Variants in SLC23A1 observed in about 807,000 individuals in gnomAD.
The protein encoded by SLC23A1 is solute carrier family 23 member 1.
SLC23A1 carries 31 observed loss-of-function variants against 62.5 expected under a neutral mutation model. The ratio of observed to expected loss-of-function variants is 0.50; its 90% CI spans 0.37 to 0.67. The LOEUF is 0.67. Among genes scored for constraint, SLC23A1 ranks in the 30% least tolerant of loss-of-function variants. SLC23A1 has a pLI of 0.00. For missense variants in SLC23A1, 640 were observed against 782.7 expected (o/e 0.82, Z 2.18); for synonymous variants, 271 against 313.2 (o/e 0.87, Z 1.42).
rs1329570834 is a variant in SLC23A1, at chr5:139,378,931, C to T, written c.1074-247G>A. 6.6e-6 allele frequency among the ~76,000 whole-genome samples: 1 copy of T among 152,204 alleles called. No homozygotes were observed. Among genetic ancestry groups the T allele is most frequent in the Non-Finnish European group, 1.5e-5 (1 of 68,032 alleles). ...ATACCGGTGCCCGTCTCACAAAATG[C>T]TTCAAAGATTGCATAAGAATGCACA... On this transcript the variant is annotated intron_variant, in intron 9 of 14. Transcript: ENST00000348729. This position sits in a 1 kb window ranked among gnomAD's most constrained non-coding sequence, Gnocchi z 4.5.
Position 139,379,170 on chromosome 5 carries a change from TGAG to T in SLC23A1, c.1073+34_1073+36del. Reference sequence around the variant, plus strand: ...CTGTGTGTGCTTCCTGGGTGGCGCCTGAGGAGATCAGATACTGAGGAGGGCAGG... The same window carrying T: ...CTGTGTGTGCTTCCTGGGTGGCGCCTGAGATCAGATACTGAGGAGGGCAGG... On this transcript the variant is annotated intron_variant, in intron 9 of 14. Transcript: ENST00000348729. This position sits in a 1 kb window ranked among gnomAD's most constrained non-coding sequence, Gnocchi z 4.7. 5 of 1,609,632 alleles carry T rather than the reference TGAG, an allele frequency of 3.1e-6. No individual in the cohort carries two copies. The highest frequency in any genetic ancestry group is 4.2e-6 in the Non-Finnish European group (5 of 1,176,520).
At chr5:139,373,958 A>G (rs1757816503) in intron 13 of SLC23A1, among the ~76,000 whole-genome samples, 1 of 152,092 alleles carries the variant, frequency 6.6e-6, no homozygotes, top group African/African-American at 2.4e-5. Context: ...TGCCCACTAC[A>G]TCCCAACCTT....
intron 13 of SLC23A1, among the ~76,000 whole-genome samples, chr5:139,376,292 C>T (rs1757942176): frequency 6.6e-6 from 1 of 151,822 alleles, no homozygotes; most frequent in Admixed American, 6.6e-5. Context: ...GCCTCAGCCT[C>T]CCGAGAAGCT....
intron 14 of SLC23A1, among the ~76,000 whole-genome samples, chr5:139,370,163 GTGGTTGGT>G (rs930415750): frequency 6.6e-6 from 1 of 152,130 alleles, no homozygotes; most frequent in Non-Finnish European, 1.5e-5. Context: ...ACCCCAGTGT[GTGGTTGGT>G]TGGTTGGTTG....
rs767105154 is a variant in SLC23A1, at chr5:139,381,984, C to T, written c.216G>A (p.Val72=). The T allele has an allele frequency of 1.0e-5, 16 of 1,603,842 alleles. No individual in the cohort carries two copies. Among genetic ancestry groups the T allele is most frequent in the East Asian group, 2.3e-5 (1 of 44,440 alleles). Residue 72 remains valine, a synonymous_variant, in exon 3 of 15, where the codon GTG becomes GTA. Coordinates refer to ENST00000348729, the MANE Select transcript of SLC23A1 (RefSeq NM_005847.5). ...GACTAACCATGTGCTGGTCGTGGCCCACACACAGCGCCTCAGCCAGCAGGA... is the reference window on the plus strand; with the variant it reads ...GACTAACCATGTGCTGGTCGTGGCCTACACACAGCGCCTCAGCCAGCAGGA... ...VPFLLAEALC[V]GHDQHMVSQL...
chr5:139,382,276 C>T, intron 2 of SLC23A1: 1 of 602,260 alleles, frequency 1.7e-6, no homozygotes. Context: ...GCTCTGCTCC[C>T]TGTCACCAAC....
At chr5:139,384,326 G>A (rs916153911), upstream of SLC23A1, 7 of 1,258,188 alleles carry the variant, frequency 5.6e-6, no homozygotes, top group African/African-American at 6.1e-5. Flanking sequence ...CCTCTGGGCT[G>A]CCCCAGCCCC....
At chr5:139,374,589 C>T (rs529632978) in intron 13 of SLC23A1, among the ~76,000 whole-genome samples, 7 of 152,254 alleles carry the variant, frequency 4.6e-5, no homozygotes, top group South Asian at 2.1e-4. Flanking sequence ...GTTGTGTGAC[C>T]TTAGGCAAGT....
At position 139,381,941 on chromosome 5, in the gene SLC23A1, A is replaced by T; in HGVS notation, c.259T>A (p.Phe87Ile). 2 of 1,585,216 alleles carry T rather than the reference A, an allele frequency of 1.3e-6. No individual in the cohort carries two copies. The highest frequency in any genetic ancestry group is 1.7e-6 in the Non-Finnish European group (2 of 1,166,582). The part of the protein sequence containing the change: ...HMVSQLIGTI[F>I]TCVGITTLIQ... ...AGAGTGGTGATGCCCACGCACGTGA[A>T]GATGGTGCCGATGAGCTGACTAACC... Residue 87 changes from phenylalanine to isoleucine, a missense_variant, in exon 3 of 15, where the codon TTC (phenylalanine) becomes ATC (isoleucine). By Grantham distance (21) the Phe-to-Ile change is conservative (BLOSUM62 0). Coordinates refer to ENST00000348729, the MANE Select transcript of SLC23A1 (RefSeq NM_005847.5).
rs916151931 is a variant in SLC23A1 at position 139,367,526 on chromosome 5, C to T, written c.*125G>A. On this transcript the variant is annotated 3_prime_UTR_variant, in exon 15 of 15. Coordinates refer to ENST00000348729, the MANE Select transcript of SLC23A1 (RefSeq NM_005847.5). ...AAATTTGAATCCCAGAGAAAGGTGA[C>T]TTATCTGAGTTTACACAGAAGTTAG... 2 of 151,408 alleles carry T rather than the reference C, an allele frequency of 1.3e-5. No homozygotes were observed. The highest frequency in any genetic ancestry group is 4.9e-5 in the African/African-American group (2 of 41,174). 9.4% of individuals were successfully genotyped at this position (151,408 alleles called of 1,614,324 possible). A position where few individuals can be genotyped will look rare whatever the true frequency, so the allele number is the denominator to read the frequency against.
At chr5:139,376,233 G>A (rs1757939620) in intron 13 of SLC23A1, among the ~76,000 whole-genome samples, 1 of 144,686 alleles carries the variant, frequency 6.9e-6, no homozygotes, top group Admixed American at 7.2e-5. Context: ...GCAATGGCAC[G>A]ATCTCGGCCC....
chr5:139,368,292 A>G (rs948651130), intron 14 of SLC23A1, among the ~76,000 whole-genome samples: 1 of 152,098 alleles, frequency 6.6e-6, no homozygotes, highest in Non-Finnish European at 1.5e-5. Flanking sequence ...GTGAGCTGAG[A>G]TCGCGCCACT....
Position 139,380,221 on chromosome 5 carries a change from C to A in SLC23A1, c.634G>T (p.Gly212Cys). 1 of 1,559,740 alleles carries A rather than the reference C, an allele frequency of 6.4e-7. No homozygotes were observed. The highest frequency in any genetic ancestry group is 8.7e-7 in the Non-Finnish European group (1 of 1,151,710). The stretch of plus-strand genomic sequence containing the variant: ...GTGCCTGCTCACCAAGCTGAGATGC[C>A]CCAGTGGGAGCCAGCTCGGTCGCCA... ...AAGDRAGSHW[G>C]ISACSILLII... The change falls in exon 6 of 15, where the codon GGC becomes TGC. Residue 212 changes from glycine (G) to cysteine (C), a missense_variant. Gly to Cys is a radical substitution (Grantham distance 159). Coordinates refer to ENST00000348729, the MANE Select transcript of SLC23A1 (RefSeq NM_005847.5).
At position 139,380,202 on chromosome 5, in the gene SLC23A1, G is replaced by C. The variant is rs997085338; in HGVS notation, c.647+6C>G. ...TGGGCAGGGATCAGGCCTGGTGCCT[G>C]CTCACCAAGCTGAGATGCCCCAGTG... On this transcript the variant is annotated splice_donor_region_variant and intron_variant, in intron 6 of 14. Coordinates refer to ENST00000348729, the MANE Select transcript of SLC23A1 (RefSeq NM_005847.5). 23 of 1,556,572 alleles carry C rather than the reference G, an allele frequency of 1.5e-5. No homozygotes were observed. Among genetic ancestry groups the C allele is most frequent in the Non-Finnish European group, 2.0e-5 (23 of 1,149,856 alleles).
intron 1 of SLC23A1, among the ~76,000 whole-genome samples, chr5:139,382,986 G>T (rs1288101909): frequency 6.6e-6 from 1 of 152,138 alleles, no homozygotes. Context: ...GTCACTGGCC[G>T]GGAGATTAGG....
chr5:139,368,697 T>G, intron 14 of SLC23A1: 1 of 1,447,228 alleles, frequency 6.9e-7, no homozygotes, highest in Non-Finnish European at 9.7e-7. Context: ...TGAAACTGTG[T>G]TAATGAACTT....
At chr5:139,371,314 T>C (rs1757654994) in intron 14 of SLC23A1, among the ~76,000 whole-genome samples, 1 of 152,212 alleles carries the variant, frequency 6.6e-6, no homozygotes. Flanking sequence ...ACCTCTCTTT[T>C]TGGGAACTTT....
rs746440275 is a variant in SLC23A1 at position 139,379,574 on chromosome 5, T to C, written c.925+104A>G. On this transcript the variant is annotated intron_variant, in intron 8 of 14. Coordinates refer to ENST00000348729, the MANE Select transcript of SLC23A1 (RefSeq NM_005847.5). This position sits in a 1 kb window ranked among gnomAD's most constrained non-coding sequence, Gnocchi z 4.7. ...CACTCTGCTGGGCGCACTATAAATGTGCGGCTAATGCTAGGTGTGTCACCT... is the reference window on the plus strand; with the variant it reads ...CACTCTGCTGGGCGCACTATAAATGCGCGGCTAATGCTAGGTGTGTCACCT... The C allele has an allele frequency of 5.9e-6, 7 of 1,190,902 alleles. No homozygotes were observed. The highest frequency in any genetic ancestry group is 4.5e-5 in the African/African-American group (3 of 66,176). 73.8% of individuals were successfully genotyped at this position (1,190,902 alleles called of 1,614,324 possible).
intron 5 of SLC23A1, 33 bp downstream of exon 5, chr5:139,380,532 C>T: frequency 1.2e-6 from 2 of 1,610,112 alleles, no homozygotes; most frequent in Non-Finnish European, 1.7e-6. Context: ...CTCCTCAGGA[C>T]CCGGCCTCTT....
Sources: gnomAD v4.1 joint callset for allele counts (sites outside exome capture counted in the v4.1 genomes callset) on GRCh38, gnomAD v4.1.1 for gene constraint, Gnocchi (gnomAD v3.1) non-coding constraint, MANE v1.5 for transcripts, NCBI Gene and HGNC (gene_info 2026-07-23, HGNC 2026-07-21) for gene names.